FAM174A: variants seen among roughly 807,000 people sequenced by gnomAD.
The protein encoded by FAM174A is membrane protein FAM174A.
FAM174A carries 14 observed loss-of-function variants against 14.3 expected under a neutral mutation model. That is an observed-to-expected ratio of 0.98 (90% CI 0.65 to 1.53). FAM174A has a LOEUF of 1.53. Ranked by LOEUF, FAM174A falls within the 40% of genes most tolerant of loss-of-function variation. The pLI is 0.00. For missense variants in FAM174A, 241 were observed against 249.6 expected (o/e 0.97, Z 0.23); for synonymous variants, 108 against 111.4 (o/e 0.97, Z 0.19).
intron 1 of FAM174A, among the ~76,000 whole-genome samples, chr5:100,542,954 A>G (rs922192943): frequency 6.6e-6 from 1 of 151,960 alleles, no homozygotes; most frequent in Non-Finnish European, 1.5e-5. Context: ...CATACTGGGT[A>G]TAGCAGTGCA....
At chr5:100,578,012 A>G (rs549400748) in intron 2 of FAM174A, among the ~76,000 whole-genome samples, 36 of 152,266 alleles carry the variant, frequency 2.4e-4, no homozygotes, top group African/African-American at 7.7e-4. Context: ...AGGATACAGC[A>G]TAGCGCATAC....
At chr5:100,544,630 C>A (rs1040433079) in intron 1 of FAM174A, among the ~76,000 whole-genome samples, 2 of 152,168 alleles carry the variant, frequency 1.3e-5, no homozygotes, top group Non-Finnish European at 2.9e-5. Flanking sequence ...CATTTCAATT[C>A]CATACTGGAG....
intron 2 of FAM174A, among the ~76,000 whole-genome samples, chr5:100,568,990 A>G (rs865896384): frequency 5.3e-5 from 8 of 152,038 alleles, no homozygotes; most frequent in Middle Eastern, 6.8e-3. Flanking sequence ...AGTTAATACT[A>G]TACATGAAAC....
chr5:100,537,193 T>C (rs1399110107), intron 1 of FAM174A, among the ~76,000 whole-genome samples: 1 of 152,234 alleles, frequency 6.6e-6, no homozygotes, highest in Non-Finnish European at 1.5e-5. Context: ...AATTACTTTG[T>C]ATGCTTCAAC....
chr5:100,552,111 A>T (rs1046558444), intron 1 of FAM174A, among the ~76,000 whole-genome samples: 6 of 152,198 alleles, frequency 3.9e-5, no homozygotes, highest in Non-Finnish European at 1.5e-5. Context: ...AATAAAGATG[A>T]GAATGATGTC....
chr5:100,586,178 C>A lies in FAM174A; in HGVS notation c.570-3C>A. 7.2e-7 allele frequency: 1 copy of A among 1,387,900 alleles called. No individual in the cohort carries two copies. The highest frequency in any genetic ancestry group is 1.0e-6 in the Non-Finnish European group (1 of 1,003,836). The allele number at this position is 1,387,900 out of a possible 1,614,324, so 86.0% of individuals were successfully genotyped here. A position where few individuals can be genotyped will look rare whatever the true frequency, so the allele number is the denominator to read the frequency against. On this transcript the variant is annotated splice_region_variant and splice_polypyrimidine_tract_variant and intron_variant, in intron 2 of 2. Transcript: ENST00000312637. ...TTATGGTATTTTTTTCTTTTTCTTG[C>A]AGATAAGAATGTGCCTTTTGATGAA...
chr5:100,563,776 A>T (rs1019088592), intron 2 of FAM174A, among the ~76,000 whole-genome samples: 4 of 151,926 alleles, frequency 2.6e-5, no homozygotes, highest in Non-Finnish European at 5.9e-5. Context: ...GAAGATTGAA[A>T]TTATTCCAAG....
intron 1 of FAM174A, among the ~76,000 whole-genome samples, chr5:100,544,988 G>C (rs1480542399): frequency 6.6e-6 from 1 of 152,192 alleles, no homozygotes; most frequent in Non-Finnish European, 1.5e-5. Flanking sequence ...TACAGCAAGC[G>C]TCTATTCTGA....
In FAM174A at chr5:100,542,846, A is replaced by ATGTG. The variant is rs147251634; in HGVS notation, c.434+6898_434+6901dup. 6.1e-3 allele frequency among the ~76,000 whole-genome samples: 918 copies of ATGTG among 150,424 alleles called. 7 individuals carry two copies. The highest frequency in any genetic ancestry group is 0.021 in the African/African-American group (863 of 40,936). On this transcript the variant is annotated intron_variant, in intron 1 of 2. Transcript: ENST00000312637. ...CTGCTTATTATATTTATATATATAT[A>ATGTG]TGTGTGTGTGTGTGTGTGTATAATA...
chr5:100,540,629 A>G (rs1329224738), intron 1 of FAM174A, among the ~76,000 whole-genome samples: 1 of 152,118 alleles, frequency 6.6e-6, no homozygotes, highest in Non-Finnish European at 1.5e-5. Flanking sequence ...TCATACACCT[A>G]AAATATTTTA....
intron 1 of FAM174A, among the ~76,000 whole-genome samples, chr5:100,552,820 A>G (rs971206424): frequency 3.3e-5 from 5 of 152,120 alleles, no homozygotes; most frequent in Non-Finnish European, 7.4e-5. Flanking sequence ...ATTAACTTGA[A>G]TACCTAGAAA....
chr5:100,582,273 A>G (rs1206628419), intron 2 of FAM174A, among the ~76,000 whole-genome samples: 3 of 152,102 alleles, frequency 2.0e-5, no homozygotes, highest in Non-Finnish European at 4.4e-5. Context: ...AAAGGATTAA[A>G]TTTACTTTCA....
intron 2 of FAM174A, among the ~76,000 whole-genome samples, chr5:100,573,393 G>A (rs572158714): frequency 1.2e-4 from 19 of 152,034 alleles, no homozygotes; most frequent in African/African-American, 2.9e-4. Context: ...TAGGTCTAAC[G>A]TTTAAGTCTT....
At position 100,535,529 on chromosome 5, in the gene FAM174A, C is replaced by T; in HGVS notation, c.-2C>T. 1 of 1,612,330 alleles carries T rather than the reference C, an allele frequency of 6.2e-7. No homozygotes were observed. ...GGGTGGTGAGAGAGCGGTCCGGGAA[C>T]GATGAAGGCCTCGCAGTGCTGCTGC... On this transcript the variant is annotated 5_prime_UTR_variant, in exon 1 of 3. In the 5' UTR this introduces an upstream ATG that the reference lacks. Transcript: ENST00000312637.
intron 1 of FAM174A, among the ~76,000 whole-genome samples, chr5:100,542,319 A>G (rs1158142015): frequency 6.6e-6 from 1 of 152,174 alleles, no homozygotes; most frequent in African/African-American, 2.4e-5. Flanking sequence ...CCCTGGACAA[A>G]TCTTGCTGTA....
At chr5:100,568,455 T>C (rs1012605827) in intron 2 of FAM174A, among the ~76,000 whole-genome samples, 2 of 151,904 alleles carry the variant, frequency 1.3e-5, no homozygotes, top group African/African-American at 4.8e-5. Context: ...ATTAAATGTA[T>C]GTATTTATGT....
In FAM174A at chr5:100,562,648, T is replaced by C. The variant is rs999038990; in HGVS notation, c.569+460T>C. On this transcript the variant is annotated intron_variant, in intron 2 of 2. Transcript: ENST00000312637. Reference sequence around the variant, plus strand: ...TGTGTGTGTGAGAGAGAAATACTTATTAAATTTAATTTCCTTTTTGTATTC... The same window carrying C: ...TGTGTGTGTGAGAGAGAAATACTTACTAAATTTAATTTCCTTTTTGTATTC... 5.9e-5 allele frequency among the ~76,000 whole-genome samples: 9 copies of C among 151,448 alleles called. No homozygotes were observed. In the South Asian group the frequency reaches 6.2e-4, roughly 10 times the overall value.
intron 2 of FAM174A, among the ~76,000 whole-genome samples, chr5:100,565,255 G>A (rs1746617941): frequency 6.6e-6 from 1 of 151,834 alleles, no homozygotes; most frequent in South Asian, 2.1e-4. Context: ...AAGAAAAAAA[G>A]CCACAAGATC....
intron 1 of FAM174A, 102 bp from the exon 2 acceptor site, chr5:100,561,952 T>C (rs1209116445): frequency 4.6e-6 from 3 of 658,902 alleles, no homozygotes; most frequent in Non-Finnish European, 6.8e-6. Context: ...CATTCTGATA[T>C]TGTTTGCTAT....
Sources: allele counts gnomAD v4.1 joint callset (sites outside exome capture counted in the v4.1 genomes callset), GRCh38; gene constraint gnomAD v4.1.1; transcripts MANE v1.5; gene names NCBI Gene and HGNC (gene_info 2026-07-23, HGNC 2026-07-21).